The following TMEM161A variants were observed in gnomAD, a reference collection of about 807,000 sequenced individuals.
TMEM161A encodes the protein transmembrane protein 161A, also known as adaptive response to oxidative stress protein 29.
A neutral mutation model predicts 57.1 loss-of-function variants in TMEM161A; 46 were observed. The ratio of observed to expected loss-of-function variants is 0.81; its 90% CI spans 0.64 to 1.03. The LOEUF is 1.03. Among genes scored for constraint, TMEM161A ranks in the 50% least tolerant of loss-of-function variants. TMEM161A has a pLI of 0.00. For missense variants in TMEM161A, 601 were observed against 621.5 expected, an observed-to-expected ratio of 0.97 and a Z score of 0.35; for synonymous variants, 288 against 279.0, an observed-to-expected ratio of 1.03 and a Z score of -0.32.
chr19:19,127,011 C>G (rs182792175), intron 6 of TMEM161A, among the ~76,000 whole-genome samples: 7 of 152,078 alleles, frequency 4.6e-5, no homozygotes, highest in Non-Finnish European at 8.8e-5. Flanking sequence ...CACGCCACCA[C>G]TGCACTCCAG....
chr19:19,123,617 A>G (rs10421019), intron 6 of TMEM161A, among the ~76,000 whole-genome samples: 126,084 of 152,162 alleles, frequency 0.83, 52,358 homozygotes, highest in East Asian at 0.92. Context: ...GAAAATATCC[A>G]GCTACATGTT....
At chr19:19,130,632 C>G in intron 5 of TMEM161A, 2 of 311,532 alleles carry the variant, frequency 6.4e-6, no homozygotes, top group Non-Finnish European at 1.3e-5. Flanking sequence ...CATCTCCAAT[C>G]TGCTGTCAAA....
At chr19:19,120,401 GCCCTGCCCCCTC>G (rs2059903008) in intron 11 of TMEM161A, among the ~76,000 whole-genome samples, 1 of 145,740 alleles carries the variant, frequency 6.9e-6, no homozygotes, top group African/African-American at 2.6e-5. Context: ...CTCAATACAT[GCCCTGCCCCCTC>G]CCCAGGCCCC....
chr19:19,132,824 T>G lies in TMEM161A; in HGVS notation c.189-70A>C. The G allele has an allele frequency of 1.6e-6, 2 of 1,269,412 alleles. No individual in the cohort carries two copies. The highest frequency in any genetic ancestry group is 2.2e-6 in the Non-Finnish European group (2 of 921,164). 78.6% of individuals were successfully genotyped at this position (1,269,412 alleles called of 1,614,324 possible). On this transcript the variant is annotated intron_variant, in intron 3 of 11. Coordinates refer to ENST00000162044, the MANE Select transcript of TMEM161A (RefSeq NM_017814.3). The surrounding 1 kb of genome is among the most constrained non-coding windows in gnomAD (Gnocchi z 4.3). Reference sequence around the variant, plus strand: ...CACTGAGGCCAGCCACCCTCAGAGCTCAGAGCAGCTGGCCTGGAGACCATC... The same window carrying G: ...CACTGAGGCCAGCCACCCTCAGAGCGCAGAGCAGCTGGCCTGGAGACCATC...
chr19:19,136,138 A>G (rs980906469), intron 1 of TMEM161A, among the ~76,000 whole-genome samples: 2 of 152,064 alleles, frequency 1.3e-5, no homozygotes, highest in African/African-American at 4.8e-5. Context: ...TTCCTGCTTG[A>G]ATGCAGTAAA....
intron 6 of TMEM161A, among the ~76,000 whole-genome samples, chr19:19,123,822 G>A (rs2059920442): frequency 6.6e-6 from 1 of 152,174 alleles, no homozygotes; most frequent in South Asian, 2.1e-4. Context: ...AGCACTTTGG[G>A]AGGCCAAGAC....
In TMEM161A at chr19:19,120,769, C is replaced by A. The variant is rs1185336590; in HGVS notation, c.1182G>T (p.Thr394=). Residue 394 remains threonine, a synonymous_variant, in exon 11 of 12, where the codon ACG becomes ACT. Coordinates refer to ENST00000162044, the MANE Select transcript of TMEM161A (RefSeq NM_017814.3). The part of the protein sequence containing the change: ...LTLNCTLLLK[T]LGGYSWGLGP... ...CCCCACACCGCGGCATCTCACCCAGCGTCTTGAGCAGAAGTGTGCAGTTGA... is the reference window on the plus strand; with the variant it reads ...CCCCACACCGCGGCATCTCACCCAGAGTCTTGAGCAGAAGTGTGCAGTTGA... The A allele has an allele frequency of 3.1e-6, 5 of 1,613,040 alleles. No individual in the cohort carries two copies. Among genetic ancestry groups the A allele is most frequent in the Non-Finnish European group, 2.5e-6 (3 of 1,179,856 alleles).
rs1322562960 is a variant in TMEM161A, at chr19:19,120,086, C to T, written c.1284G>A (p.Gln428=). The change falls in exon 12 of 12, where the codon CAG becomes CAA. Residue 428 remains glutamine, a synonymous_variant. Coordinates refer to ENST00000162044, the MANE Select transcript of TMEM161A (RefSeq NM_017814.3). ...CCCCGGCAATCCGCGCTGCAGTCTG[C>T]TGGACTTCGTCCTCCCCAGAGCCGA... ...APIGSGEDEV[Q]QTAARIAGAL... is the part of the protein sequence containing the mutation. 6.3e-7 allele frequency: 1 copy of T among 1,585,894 alleles called. No homozygotes were observed. Among genetic ancestry groups the T allele is most frequent in the Middle Eastern group, 1.8e-4 (1 of 5,672 alleles).
At chr19:19,124,377 C>CA (rs372794279) in intron 6 of TMEM161A, among the ~76,000 whole-genome samples, 6 of 152,182 alleles carry the variant, frequency 3.9e-5, no homozygotes, top group African/African-American at 1.2e-4. Context: ...GGCAAAACAA[C>CA]AAAAACAGAA....
At chr19:19,135,436 C>A (rs1454381265) in intron 1 of TMEM161A, among the ~76,000 whole-genome samples, 1 of 152,220 alleles carries the variant, frequency 6.6e-6, no homozygotes, top group African/African-American at 2.4e-5. Flanking sequence ...GGTTCCATCA[C>A]CCTCCTCCCT....
intron 6 of TMEM161A, among the ~76,000 whole-genome samples, chr19:19,126,155 ACT>A (rs1236297456): frequency 6.7e-5 from 6 of 89,560 alleles, no homozygotes; most frequent in African/African-American, 2.9e-4. Context: ...AAAGAGCGAG[ACT>A]CTGTCTCAAA....
At chr19:19,135,265 CT>C (rs2059980012) in intron 1 of TMEM161A, among the ~76,000 whole-genome samples, 1 of 152,144 alleles carries the variant, frequency 6.6e-6, no homozygotes, top group Admixed American at 6.5e-5. Context: ...CTTCCAGCCC[CT>C]AACCACGAGC....
Position 19,132,722 on chromosome 19 carries a change from A to G in TMEM161A, c.221T>C (p.Leu74Pro). 1 of 1,573,724 alleles carries G rather than the reference A, an allele frequency of 6.4e-7. No individual in the cohort carries two copies. The highest frequency in any genetic ancestry group is 8.6e-7 in the Non-Finnish European group (1 of 1,160,508). Reference sequence around the variant, plus strand: ...GAACGGGGCATCTCGGGGCACAGACAGTGGCTTCTCCTCACTAAGGCCATT... The same window carrying G: ...GAACGGGGCATCTCGGGGCACAGACGGTGGCTTCTCCTCACTAAGGCCATT... Reference protein sequence around the residue: ...WANGLSEEKPLSVPRDAPFQL... With the variant: ...WANGLSEEKPPSVPRDAPFQL... The change falls in exon 4 of 12, where the codon CTG (leucine) becomes CCG (proline). Residue 74 changes from leucine to proline, a missense_variant. Coordinates refer to ENST00000162044, the MANE Select transcript of TMEM161A (RefSeq NM_017814.3). This position sits in a 1 kb window ranked among gnomAD's most constrained non-coding sequence, Gnocchi z 4.3.
Position 19,120,771 on chromosome 19 carries a change from T to C in TMEM161A, c.1180A>G (p.Thr394Ala). The C allele has an allele frequency of 1.9e-6, 3 of 1,611,198 alleles. No homozygotes were observed. The highest frequency in any genetic ancestry group is 2.5e-6 in the Non-Finnish European group (3 of 1,178,910). ...CCACACCGCGGCATCTCACCCAGCG[T>C]CTTGAGCAGAAGTGTGCAGTTGAGG... ...LTLNCTLLLK[T>A]LGGYSWGLGP... Residue 394 changes from threonine (T) to alanine (A), a missense_variant, in exon 11 of 12, where the codon ACG (threonine) becomes GCG (alanine). Physicochemically the swap from Thr to Ala is moderately conservative, Grantham distance 58. Transcript: ENST00000162044.
chr19:19,120,959 TC>T, intron 10 of TMEM161A, 32 bp downstream of exon 10: 1 of 1,608,850 alleles, frequency 6.2e-7, no homozygotes, highest in South Asian at 1.1e-5. Context: ...AGCCCCAGGT[TC>T]CCTCTGGCCT....
In TMEM161A at chr19:19,121,513, G is replaced by A. The variant is rs756645551; in HGVS notation, c.800+12C>T. The A allele has an allele frequency of 5.6e-6, 9 of 1,613,310 alleles. No individual in the cohort carries two copies. Among genetic ancestry groups the A allele is most frequent in the South Asian group, 2.2e-5 (2 of 91,054 alleles). ...TCCCTAGTCCCCCCACCCACCAAGC[G>A]ACCCACTTAACTGCAGCATGGGTCT... On this transcript the variant is annotated intron_variant, in intron 8 of 11. Transcript: ENST00000162044. The surrounding 1 kb of genome is among the most constrained non-coding windows in gnomAD (Gnocchi z 5.8).
intron 6 of TMEM161A, among the ~76,000 whole-genome samples, chr19:19,124,894 G>A (rs1315005698): frequency 1.3e-5 from 2 of 152,118 alleles, no homozygotes; most frequent in African/African-American, 4.8e-5. Context: ...GGCAGAGGTT[G>A]TAGTGAGCTG....
rs191146191 is a variant in TMEM161A at position 19,133,004 on chromosome 19, C to T, written c.188+126G>A. 6.8e-5 allele frequency: 59 copies of T among 863,648 alleles called. 1 individual carries two copies. The Admixed American group carries it at 1.4e-3, about 21-fold the overall frequency. 53.5% of individuals were successfully genotyped at this position (863,648 alleles called of 1,614,324 possible). The stretch of plus-strand genomic sequence containing the variant: ...TCTCCCGGTTCACCTGTGCCCAGAT[C>T]AGCGCCTGGAAGTATGGGTGGGCCG... On this transcript the variant is annotated intron_variant, in intron 3 of 11. Transcript: ENST00000162044.
At chr19:19,134,381 C>T (rs1013590915) in intron 2 of TMEM161A, among the ~76,000 whole-genome samples, 3 of 152,188 alleles carry the variant, frequency 2.0e-5, no homozygotes, top group South Asian at 4.2e-4. Flanking sequence ...GTGGTAGGAT[C>T]GCTTGAGCCT....
Sources: gnomAD v4.1 joint callset for allele counts (sites outside exome capture counted in the v4.1 genomes callset) on GRCh38, gnomAD v4.1.1 for gene constraint, Gnocchi (gnomAD v3.1) non-coding constraint, MANE v1.5 for transcripts, NCBI Gene and HGNC (gene_info 2026-07-23, HGNC 2026-07-21) for gene names.